Variants in PTPRN observed in about 807,000 individuals in gnomAD.
The protein encoded by PTPRN is protein tyrosine phosphatase receptor type N.
Under a neutral mutation model 108.5 loss-of-function variants are expected in PTPRN, and 70 were observed. The ratio of observed to expected loss-of-function variants is 0.65; its 90% CI spans 0.53 to 0.79. The LOEUF is 0.79. Among genes scored for constraint, PTPRN ranks in the 30% least tolerant of loss-of-function variants. The pLI is 0.00. For synonymous variants in PTPRN, 496 were observed against 524.6 expected, an observed-to-expected ratio of 0.95 and a Z score of 0.75; for missense variants, 1,136 against 1,295.5, an observed-to-expected ratio of 0.88 and a Z score of 1.89.
chr2:219,290,448 G>GAGA lies in PTPRN; in HGVS notation c.2868+89_2868+90insTCT. 1 of 1,423,518 alleles carries GAGA rather than the reference G, an allele frequency of 7.0e-7. No homozygotes were observed. The highest frequency in any genetic ancestry group is 1.4e-5 in the African/African-American group (1 of 70,516). 88.2% of individuals were successfully genotyped at this position (1,423,518 alleles called of 1,614,324 possible). Reference sequence around the variant, plus strand: ...AGGAGGCGCAGAAGCAGGTGGGAAAGGTTGGCAGCTGCTGCTTTCCCTGGG... The same window carrying GAGA: ...AGGAGGCGCAGAAGCAGGTGGGAAAGAGAGTTGGCAGCTGCTGCTTTCCCTGGG... On this transcript the variant is annotated intron_variant, in intron 22 of 22. Transcript: ENST00000295718. This position sits in a 1 kb window ranked among gnomAD's most constrained non-coding sequence, Gnocchi z 4.2.
intron 10 of PTPRN, 96 bp from the exon 11 acceptor site, chr2:219,299,480 G>T: frequency 7.1e-7 from 1 of 1,408,226 alleles, no homozygotes; most frequent in Non-Finnish European, 1.0e-6. Context: ...AGAGGATGGG[G>T]CTGGAGCAGA....
rs1559304839 is a variant in PTPRN, at chr2:219,305,212, A to G, written c.281-1381T>C. 2.0e-5 allele frequency among the ~76,000 whole-genome samples: 3 copies of G among 151,682 alleles called. No homozygotes were observed. The South Asian group carries it at 6.2e-4, about 32-fold the overall frequency. On this transcript the variant is annotated intron_variant, in intron 3 of 22. Transcript: ENST00000295718. ...TCCCCTTCTCAGTCTCCCTGAGAGGAAGTTGATGGTTCCTCTCTTTATCCT... is the reference window on the plus strand; with the variant it reads ...TCCCCTTCTCAGTCTCCCTGAGAGGGAGTTGATGGTTCCTCTCTTTATCCT...
intron 10 of PTPRN, 133 bp downstream of exon 10, chr2:219,299,567 C>T: frequency 8.6e-7 from 1 of 1,169,334 alleles, no homozygotes; most frequent in South Asian, 1.4e-5. Flanking sequence ...TGTGGCTGTA[C>T]CTTCAGTACA....
intron 1 of PTPRN, 160 bp downstream of exon 1, chr2:219,309,058 C>T (rs1952558358): frequency 6.5e-7 from 1 of 1,535,652 alleles, no homozygotes; most frequent in South Asian, 1.2e-5. Flanking sequence ...CGCCCCTTTC[C>T]TCCGAGACGC....
chr2:219,293,766 C>T (rs897183594), intron 19 of PTPRN, among the ~76,000 whole-genome samples: 3 of 152,242 alleles, frequency 2.0e-5, no homozygotes, highest in African/African-American at 7.2e-5. Flanking sequence ...AGCTCTGCTC[C>T]TCTGTCCAGT....
chr2:219,305,799 A>C (rs1050230642), intron 3 of PTPRN, among the ~76,000 whole-genome samples: 2 of 152,170 alleles, frequency 1.3e-5, no homozygotes, highest in Non-Finnish European at 2.9e-5. Flanking sequence ...ACCATTTGCA[A>C]GTTTCCACAT....
Position 219,290,361 on chromosome 2 carries a change from G to A in PTPRN, c.2869-64C>T. 6.7e-7 allele frequency: 1 copy of A among 1,499,998 alleles called. No homozygotes were observed. The highest frequency in any genetic ancestry group is 1.2e-5 in the South Asian group (1 of 86,210). 92.9% of individuals were successfully genotyped at this position (1,499,998 alleles called of 1,614,324 possible). A position where few individuals can be genotyped will look rare whatever the true frequency, so the allele number is the denominator to read the frequency against. ...TGACCTGTGCTCTGCCCTCAAGATG[G>A]GGGGCTTTTGGTGGGGGGAGGGCCC... On this transcript the variant is annotated intron_variant, in intron 22 of 22. Coordinates refer to ENST00000295718, the MANE Select transcript of PTPRN (RefSeq NM_002846.4). This position sits in a 1 kb window ranked among gnomAD's most constrained non-coding sequence, Gnocchi z 4.2.
At chr2:219,293,520 T>C (rs183886548) in intron 19 of PTPRN, among the ~76,000 whole-genome samples, 1 of 152,360 alleles carries the variant, frequency 6.6e-6, no homozygotes, top group African/African-American at 2.4e-5. Flanking sequence ...TTGTTCTGGA[T>C]GTCTAATGCC....
Position 219,290,912 on chromosome 2 carries a change from G to A in PTPRN, c.2730-22C>T, listed in dbSNP as rs778970684. On this transcript the variant is annotated intron_variant, in intron 20 of 22. Coordinates refer to ENST00000295718, the MANE Select transcript of PTPRN (RefSeq NM_002846.4). This position sits in a 1 kb window ranked among gnomAD's most constrained non-coding sequence, Gnocchi z 4.2. ...ATCACTGAAACAGGAGTTAGTGACA[G>A]GTTTAGCTTGAGATGCAGCAGAAAG... 6.2e-7 allele frequency: 1 copy of A among 1,611,360 alleles called. No individual in the cohort carries two copies. The highest frequency in any genetic ancestry group is 1.1e-5 in the South Asian group (1 of 91,012).
Position 219,298,805 on chromosome 2 carries a change from G to A in PTPRN, c.1668+242C>T, listed in dbSNP as rs546939977. ...GACTGCGCTCCAGCAGACTAAGGGC[G>A]GCTCAACTAGTTCTCAGGCCTTTTT... On this transcript the variant is annotated intron_variant, in intron 12 of 22. Coordinates refer to ENST00000295718, the MANE Select transcript of PTPRN (RefSeq NM_002846.4). Among the ~76,000 whole-genome samples the A allele has an allele frequency of 5.3e-5, 8 of 152,374 alleles. No individual in the cohort carries two copies. The South Asian group carries it at 1.0e-3, about 20-fold the overall frequency.
At position 219,299,833 on chromosome 2, in the gene PTPRN, A is replaced by C. The variant is rs768707985; in HGVS notation, c.1437-47T>G. 3.2e-6 allele frequency: 5 copies of C among 1,563,890 alleles called. No individual in the cohort carries two copies. In the South Asian group the frequency reaches 3.5e-5, roughly 11 times the overall value. ...GGAAGGAAAGTGGGGCAACCCTCTCAGTCACTTTCTTAAAACAGGCCACTC... is the reference window on the plus strand; with the variant it reads ...GGAAGGAAAGTGGGGCAACCCTCTCCGTCACTTTCTTAAAACAGGCCACTC... On this transcript the variant is annotated intron_variant, in intron 9 of 22. Coordinates refer to ENST00000295718, the MANE Select transcript of PTPRN (RefSeq NM_002846.4).
chr2:219,291,591 T>A (rs1252250027), intron 19 of PTPRN, 68 bp from the exon 20 acceptor site: 3 of 1,467,922 alleles, frequency 2.0e-6, no homozygotes, highest in Admixed American at 1.7e-5. Flanking sequence ...CTGAAACACA[T>A]GACGTGGGCC....
Position 219,303,261 on chromosome 2 carries a change from C to T in PTPRN, c.378-424G>A, listed in dbSNP as rs181895097. 2.7e-3 allele frequency among the ~76,000 whole-genome samples: 404 copies of T among 152,302 alleles called. 1 individual carries two copies. Among genetic ancestry groups the T allele is most frequent in the Non-Finnish European group, 4.3e-3 (293 of 68,016 alleles). On this transcript the variant is annotated intron_variant, in intron 4 of 22. Coordinates refer to ENST00000295718, the MANE Select transcript of PTPRN (RefSeq NM_002846.4). ...ATATTCAGGACTGCTCCTCCACCCC[C>T]CACCACTATGCCATCTTCATCCTGG... is the stretch of plus-strand genomic sequence containing the variant.
In PTPRN at chr2:219,297,821, G is replaced by A. The variant is rs137932923; in HGVS notation, c.1887+64C>T. Reference sequence around the variant, plus strand: ...CATTCAGTTCCGACCCTTAGTCCACGCAAGACCCAGACTCCCAGGCCCCTT... The same window carrying A: ...CATTCAGTTCCGACCCTTAGTCCACACAAGACCCAGACTCCCAGGCCCCTT... On this transcript the variant is annotated intron_variant, in intron 13 of 22. Coordinates refer to ENST00000295718, the MANE Select transcript of PTPRN (RefSeq NM_002846.4). This position sits in a 1 kb window ranked among gnomAD's most constrained non-coding sequence, Gnocchi z 6.0. The A allele has an allele frequency of 6.6e-6, 10 of 1,512,380 alleles. No individual in the cohort carries two copies. The highest frequency in any genetic ancestry group is 4.1e-5 in the African/African-American group (3 of 72,452). The allele number at this position is 1,512,380 out of a possible 1,614,324, so 93.7% of individuals were successfully genotyped here. A position where few individuals can be genotyped will look rare whatever the true frequency, so the allele number is the denominator to read the frequency against.
intron 7 of PTPRN, 40 bp from the exon 8 acceptor site, chr2:219,301,017 T>C: frequency 6.3e-7 from 1 of 1,592,756 alleles, no homozygotes; most frequent in Non-Finnish European, 8.6e-7. Context: ...AAAATGGCCA[T>C]GGCCAAGGTC....
In PTPRN at chr2:219,290,336, T is replaced by G; in HGVS notation, c.2869-39A>C. 6.6e-7 allele frequency: 1 copy of G among 1,523,280 alleles called. No individual in the cohort carries two copies. Among genetic ancestry groups the G allele is most frequent in the South Asian group, 1.1e-5 (1 of 88,472 alleles). The allele number at this position is 1,523,280 out of a possible 1,614,324, so 94.4% of individuals were successfully genotyped here. A position where few individuals can be genotyped will look rare whatever the true frequency, so the allele number is the denominator to read the frequency against. ...GTGGTAGGATGGTCATGGAGAGGGCTGACCTGTGCTCTGCCCTCAAGATGG... is the reference window on the plus strand; with the variant it reads ...GTGGTAGGATGGTCATGGAGAGGGCGGACCTGTGCTCTGCCCTCAAGATGG... On this transcript the variant is annotated intron_variant, in intron 22 of 22. Transcript: ENST00000295718. This position sits in a 1 kb window ranked among gnomAD's most constrained non-coding sequence, Gnocchi z 4.2.
chr2:219,299,010 T>C, intron 12 of PTPRN, 37 bp downstream of exon 12: 1 of 1,611,190 alleles, frequency 6.2e-7, no homozygotes, highest in Non-Finnish European at 8.5e-7. Context: ...ACATCAGCCC[T>C]CTGGGGACTT....
In PTPRN at chr2:219,299,674, C is replaced by T. The variant is rs149844408; in HGVS notation, c.1523+26G>A. On this transcript the variant is annotated intron_variant, in intron 10 of 22. Coordinates refer to ENST00000295718, the MANE Select transcript of PTPRN (RefSeq NM_002846.4). The stretch of plus-strand genomic sequence containing the variant: ...CAAGCTGCTTTCTAGATCTCGGCCA[C>T]TGCCCTAGCAAGATGCCAGCCCCAC... The T allele has an allele frequency of 1.9e-5, 30 of 1,562,396 alleles. No homozygotes were observed. In the East Asian group the frequency reaches 5.4e-4, roughly 28 times the overall value.
intron 8 of PTPRN, chr2:219,300,463 G>T (rs1952316860): frequency 3.6e-6 from 2 of 553,384 alleles, no homozygotes; most frequent in Non-Finnish European, 6.2e-6. Context: ...TTGAATGATT[G>T]AAAATGGTCT....
Sources: gnomAD v4.1 joint callset for allele counts (sites outside exome capture counted in the v4.1 genomes callset) on GRCh38, gnomAD v4.1.1 for gene constraint, Gnocchi (gnomAD v3.1) non-coding constraint, MANE v1.5 for transcripts, NCBI Gene and HGNC (gene_info 2026-07-23, HGNC 2026-07-21) for gene names.